Variants in RIT2 observed in about 807,000 individuals in gnomAD.
The protein encoded by RIT2 is GTP-binding protein Rit2.
RIT2 carries 24 observed loss-of-function variants against 23.7 expected under a neutral mutation model. The observed-to-expected ratio is 1.01, with a 90% CI of 0.73 to 1.43. The LOEUF is 1.43. Among genes scored for constraint, RIT2 ranks in the 40% most tolerant of loss-of-function variants. RIT2 has a pLI of 0.00. For missense variants in RIT2, 236 were observed against 266.9 expected (o/e 0.88, Z 0.81); for synonymous variants, 107 against 91.1 (o/e 1.17, Z -0.99).
intron 4 of RIT2, among the ~76,000 whole-genome samples, chr18:42,919,683 C>T (rs932486407): frequency 7.9e-5 from 12 of 151,738 alleles, no homozygotes; most frequent in African/African-American, 1.7e-4. Flanking sequence ...CACTGCACTC[C>T]AGCCTGGGTG....
At chr18:43,024,434 A>C (rs1455841236) in intron 2 of RIT2, among the ~76,000 whole-genome samples, 5 of 152,102 alleles carry the variant, frequency 3.3e-5, no homozygotes, top group Non-Finnish European at 5.9e-5. Context: ...TAAATGTAAG[A>C]CCTAAAAATA....
chr18:43,080,316 C>T (rs1913127031), intron 1 of RIT2, among the ~76,000 whole-genome samples: 1 of 152,190 alleles, frequency 6.6e-6, no homozygotes, highest in Admixed American at 6.5e-5. Context: ...ATGTTCTGCT[C>T]TCCAACGTAA....
At chr18:42,746,940 G>A (rs74364276) in intron 4 of RIT2, among the ~76,000 whole-genome samples, 13,312 of 152,024 alleles carry the variant, frequency 0.088, 782 homozygotes, top group Non-Finnish European at 0.14. Flanking sequence ...ACTCACAGCC[G>A]ATGTAGCACT....
intron 1 of RIT2, among the ~76,000 whole-genome samples, chr18:43,059,949 C>T (rs1045931719): frequency 6.6e-6 from 1 of 152,054 alleles, no homozygotes; most frequent in African/African-American, 2.4e-5. Context: ...AGTAACCCCA[C>T]CTCAGAGGCT....
At chr18:42,948,289 G>A (rs1167416827) in intron 3 of RIT2, among the ~76,000 whole-genome samples, 2 of 152,076 alleles carry the variant, frequency 1.3e-5, no homozygotes, top group Non-Finnish European at 2.9e-5. Context: ...TTGGCAAACT[G>A]AGGTAGTTAG....
intron 4 of RIT2, among the ~76,000 whole-genome samples, chr18:42,893,220 C>T (rs539668172): frequency 0.021 from 1,122 of 53,112 alleles, 7 homozygotes; most frequent in African/African-American, 0.029. Context: ...AGCGAGACTC[C>T]GTCTCAAAAA....
chr18:43,012,803 G>A (rs1911381035), intron 2 of RIT2, among the ~76,000 whole-genome samples: 1 of 151,562 alleles, frequency 6.6e-6, no homozygotes. Context: ...GCAGATATTA[G>A]CCACATTTTG....
intron 1 of RIT2, among the ~76,000 whole-genome samples, chr18:43,098,124 A>T (rs565992479): frequency 6.6e-6 from 1 of 152,088 alleles, no homozygotes; most frequent in Non-Finnish European, 1.5e-5. Context: ...TGAACAAAAT[A>T]CTGAAGCTAT....
At chr18:43,001,001 ATATTATC>A (rs1911092376) in intron 2 of RIT2, among the ~76,000 whole-genome samples, 1 of 152,082 alleles carries the variant, frequency 6.6e-6, no homozygotes, top group Non-Finnish European at 1.5e-5. Flanking sequence ...ATTTAAAACA[ATATTATC>A]TACTGATCAG....
In RIT2 at chr18:43,005,190, G is replaced by A. The variant is rs1357993383; in HGVS notation, c.160+28621C>T. Among the ~76,000 whole-genome samples the A allele has an allele frequency of 2.0e-5, 3 of 151,774 alleles. No individual in the cohort carries two copies. In the East Asian group the frequency reaches 5.8e-4, roughly 30 times the overall value. Reference sequence around the variant, plus strand: ...CTTCAATCTGGCTTTAAAGCCTGCTGTGATAAACTCTAGGTAATCAAAGCT... The same window carrying A: ...CTTCAATCTGGCTTTAAAGCCTGCTATGATAAACTCTAGGTAATCAAAGCT... On this transcript the variant is annotated intron_variant, in intron 2 of 4. Transcript: ENST00000326695.
chr18:43,006,123 A>G (rs1474645658), intron 2 of RIT2, among the ~76,000 whole-genome samples: 1 of 151,782 alleles, frequency 6.6e-6, no homozygotes, highest in African/African-American at 2.4e-5. Context: ...GGGGAAGAGA[A>G]CGAAGAGAAA....
At chr18:42,967,530 C>G (rs917894904) in intron 3 of RIT2, among the ~76,000 whole-genome samples, 4 of 140,670 alleles carry the variant, frequency 2.8e-5, no homozygotes, top group African/African-American at 1.1e-4. Flanking sequence ...CCACCACGCC[C>G]GGCTAATTTT....
At chr18:43,105,102 G>C (rs76020981) in intron 1 of RIT2, among the ~76,000 whole-genome samples, 57 of 113,784 alleles carry the variant, frequency 5.0e-4, no homozygotes, top group East Asian at 2.3e-3. Context: ...GCAGTGTGCT[G>C]TGTGTGTGTG....
chr18:43,001,198 T>A (rs796353817), intron 2 of RIT2, among the ~76,000 whole-genome samples: 2 of 151,932 alleles, frequency 1.3e-5, no homozygotes, highest in South Asian at 4.1e-4. Flanking sequence ...GAAGCCTTGC[T>A]ACAGAAGAGA....
intron 3 of RIT2, among the ~76,000 whole-genome samples, chr18:42,967,259 T>C (rs1910249867): frequency 6.6e-6 from 1 of 152,254 alleles, no homozygotes; most frequent in Non-Finnish European, 1.5e-5. Flanking sequence ...GATTGGCTTC[T>C]ATAAATCTTT....
At chr18:42,843,630 C>A (rs1344624073) in intron 4 of RIT2, among the ~76,000 whole-genome samples, 2 of 152,164 alleles carry the variant, frequency 1.3e-5, no homozygotes, top group Non-Finnish European at 2.9e-5. Context: ...ATTTTATTAG[C>A]CTCAGTGACA....
intron 1 of RIT2, among the ~76,000 whole-genome samples, chr18:43,042,772 G>A (rs2144296191): frequency 6.6e-6 from 1 of 152,278 alleles, no homozygotes; most frequent in African/African-American, 2.4e-5. Flanking sequence ...AGTTGTGGAG[G>A]AGGACAGCCA....
At chr18:42,974,192 G>T in intron 2 of RIT2, 45 bp from the exon 3 acceptor site, 1 of 1,323,218 alleles carries the variant, frequency 7.6e-7, no homozygotes, top group Non-Finnish European at 1.1e-6. Context: ...TGACAGGAAA[G>T]GCATTATTAA....
intron 4 of RIT2, among the ~76,000 whole-genome samples, chr18:42,850,771 A>G (rs1004812508): frequency 6.6e-6 from 1 of 152,148 alleles, no homozygotes; most frequent in African/African-American, 2.4e-5. Flanking sequence ...GCCCAGATCT[A>G]TCCTTTAGTG....
Sources: allele counts gnomAD v4.1 joint callset (sites outside exome capture counted in the v4.1 genomes callset), GRCh38; gene constraint gnomAD v4.1.1; transcripts MANE v1.5; gene names NCBI Gene and HGNC (gene_info 2026-07-23, HGNC 2026-07-21).